CSMD1: variants seen among roughly 807,000 people sequenced by gnomAD.
CSMD1 encodes the protein CUB and sushi domain-containing protein 1.
CSMD1 carries 213 observed loss-of-function variants against 417.5 expected under a neutral mutation model. That is an observed-to-expected ratio of 0.51 (90% CI 0.46 to 0.57). The LOEUF (loss-of-function observed/expected upper bound fraction) is 0.57, where lower values mean the gene tolerates loss of function less well. CSMD1 is among the 20% of genes least tolerant of loss of function. The pLI, the probability that CSMD1 is intolerant of heterozygous loss-of-function variation, is 0.00. For synonymous variants in CSMD1, 2,862 were observed against 1,736.8 expected (o/e 1.65, Z -16.11); for missense variants, 6,923 against 4,529.7 (o/e 1.53, Z -15.17).
At chr8:4,699,684 A>C (rs1269989000) in intron 1 of CSMD1, among the ~76,000 whole-genome samples, 3 of 152,220 alleles carry the variant, frequency 2.0e-5, no homozygotes, top group Admixed American at 6.5e-5. Context: ...TCATCCGTAC[A>C]TATGATTTTT....
intron 1 of CSMD1, among the ~76,000 whole-genome samples, chr8:4,891,577 T>G (rs895985155): frequency 6.6e-6 from 1 of 152,148 alleles, no homozygotes; most frequent in African/African-American, 2.4e-5. Flanking sequence ...GCAATTTATT[T>G]TTCATCTCTT....
At chr8:3,216,342 A>T (rs1797880179) in intron 29 of CSMD1, among the ~76,000 whole-genome samples, 1 of 152,154 alleles carries the variant, frequency 6.6e-6, no homozygotes, top group Non-Finnish European at 1.5e-5. Context: ...TTAATCATTC[A>T]ACACAATGTA....
chr8:4,841,627 C>A (rs1450550123), intron 1 of CSMD1, among the ~76,000 whole-genome samples: 1 of 151,928 alleles, frequency 6.6e-6, no homozygotes, highest in East Asian at 1.9e-4. Flanking sequence ...AAGTTCAGAA[C>A]AGGTCAGGCG....
chr8:3,571,932 T>TG (rs1342392735), intron 10 of CSMD1, among the ~76,000 whole-genome samples: 4 of 152,186 alleles, frequency 2.6e-5, no homozygotes, highest in African/African-American at 9.7e-5. Context: ...AGAAGTGAAG[T>TG]TACTGCGTGT....
intron 18 of CSMD1, among the ~76,000 whole-genome samples, chr8:3,384,614 A>G (rs1436304357): frequency 1.4e-5 from 2 of 145,468 alleles, no homozygotes; most frequent in African/African-American, 5.0e-5. Flanking sequence ...TAATTTTTAA[A>G]TATTTGCAAA....
chr8:4,959,436 T>C (rs1383890843), intron 1 of CSMD1, among the ~76,000 whole-genome samples: 1 of 152,236 alleles, frequency 6.6e-6, no homozygotes, highest in South Asian at 2.1e-4. Context: ...AAGCAACTAG[T>C]TGGGTAGCCT....
intron 51 of CSMD1, among the ~76,000 whole-genome samples, chr8:3,021,701 A>G (rs190119332): frequency 3.3e-4 from 38 of 116,550 alleles, no homozygotes; most frequent in Middle Eastern, 3.9e-3. Flanking sequence ...CTGCAATCCC[A>G]CAGCATCTGG....
chr8:3,969,816 G>A (rs928487222), intron 5 of CSMD1, among the ~76,000 whole-genome samples: 8 of 152,200 alleles, frequency 5.3e-5, no homozygotes, highest in South Asian at 2.1e-4. Context: ...GAGAAAGACG[G>A]GGAGATTTTT....
chr8:3,344,984 C>T (rs1807896010), intron 22 of CSMD1, among the ~76,000 whole-genome samples: 1 of 152,100 alleles, frequency 6.6e-6, no homozygotes, highest in African/African-American at 2.4e-5. Context: ...GGTCTGACAT[C>T]CAGAGACTAA....
chr8:3,758,390 G>C (rs1043651983), intron 5 of CSMD1, among the ~76,000 whole-genome samples: 3 of 152,194 alleles, frequency 2.0e-5, no homozygotes, highest in South Asian at 2.1e-4. Flanking sequence ...TGAATTTCCT[G>C]ATTTGACCTT....
At chr8:3,476,126 T>TATA (rs1183117028) in intron 11 of CSMD1, among the ~76,000 whole-genome samples, 1 of 152,180 alleles carries the variant, frequency 6.6e-6, no homozygotes, top group Non-Finnish European at 1.5e-5. Flanking sequence ...GAAGACTATT[T>TATA]GAGTCCAGGA....
chr8:3,606,589 T>C (rs919019997), intron 8 of CSMD1, among the ~76,000 whole-genome samples: 27 of 152,128 alleles, frequency 1.8e-4, no homozygotes, highest in African/African-American at 6.0e-4. Flanking sequence ...GCCTAGGACA[T>C]GACTGTACAC....
At chr8:4,913,616 G>C (rs1055010269) in intron 1 of CSMD1, among the ~76,000 whole-genome samples, 9 of 152,182 alleles carry the variant, frequency 5.9e-5, no homozygotes, top group African/African-American at 9.7e-5. Flanking sequence ...TTTTGCAGTA[G>C]GTGTTGCTGG....
chr8:4,862,058 G>T (rs985540125), intron 1 of CSMD1, among the ~76,000 whole-genome samples: 1 of 152,072 alleles, frequency 6.6e-6, no homozygotes, highest in African/African-American at 2.4e-5. Flanking sequence ...AGGATGCTCA[G>T]GGAAATGCTA....
At chr8:4,946,150 A>T (rs1019810547) in intron 1 of CSMD1, among the ~76,000 whole-genome samples, 4 of 152,164 alleles carry the variant, frequency 2.6e-5, no homozygotes, top group Non-Finnish European at 5.9e-5. Flanking sequence ...CTTCAAAAGC[A>T]GTTTCAATTA....
chr8:4,205,272 T>C (rs1295855605), intron 3 of CSMD1, among the ~76,000 whole-genome samples: 1 of 152,242 alleles, frequency 6.6e-6, no homozygotes, highest in African/African-American at 2.4e-5. Flanking sequence ...GCTGCTCATA[T>C]AGTTTTTACA....
At chr8:3,023,507 C>G (rs1289472818) in intron 51 of CSMD1, among the ~76,000 whole-genome samples, 6 of 152,074 alleles carry the variant, frequency 3.9e-5, no homozygotes. Flanking sequence ...TTAACTTTCT[C>G]TTATTGTTTC....
At chr8:4,034,148 A>ATTT (rs1237158324) in intron 3 of CSMD1, among the ~76,000 whole-genome samples, 12 of 152,228 alleles carry the variant, frequency 7.9e-5, no homozygotes, top group Non-Finnish European at 1.8e-4. Flanking sequence ...TTTTAAACTG[A>ATTT]GTAACATAGA....
intron 1 of CSMD1, among the ~76,000 whole-genome samples, chr8:4,712,849 A>T (rs1249700486): frequency 1.3e-5 from 2 of 152,226 alleles, no homozygotes; most frequent in African/African-American, 4.8e-5. Flanking sequence ...GAGAGGTCTA[A>T]TCTGGATATA....
Sources: gnomAD v4.1 joint callset for allele counts (sites outside exome capture counted in the v4.1 genomes callset) on GRCh38, gnomAD v4.1.1 for gene constraint, MANE v1.5 for transcripts, NCBI Gene and HGNC (gene_info 2026-07-23, HGNC 2026-07-21) for gene names.